Variants in AUTS2 observed in about 807,000 individuals in gnomAD.
AUTS2 encodes the protein activator of transcription and developmental regulator AUTS2.
A neutral mutation model predicts 112.4 loss-of-function variants in AUTS2; 17 were observed. The ratio of observed to expected loss-of-function variants is 0.15; its 90% CI spans 0.10 to 0.23. The LOEUF is 0.23. Among genes scored for constraint, AUTS2 ranks in the 10% least tolerant of loss-of-function variants. The pLI, the probability that AUTS2 is intolerant of heterozygous loss-of-function variation, is 1.00. For missense variants in AUTS2, 1,510 were observed against 1,701.6 expected (o/e 0.89, Z 1.98); for synonymous variants, 751 against 702.7 (o/e 1.07, Z -1.09).
chr7:70,616,600 CTG>C (rs1267037338), intron 5 of AUTS2, among the ~76,000 whole-genome samples: 2 of 152,202 alleles, frequency 1.3e-5, no homozygotes, highest in African/African-American at 4.8e-5. Context: ...GTGCCTGACA[CTG>C]TGCTCTGCAC....
intron 4 of AUTS2, among the ~76,000 whole-genome samples, chr7:70,162,895 GATAA>G (rs2129577665): frequency 6.6e-6 from 1 of 152,196 alleles, no homozygotes; most frequent in South Asian, 2.1e-4. Context: ...TTGATAGAAC[GATAA>G]ATAAATTGGA....
At chr7:69,956,584 A>G (rs1469347126) in intron 2 of AUTS2, among the ~76,000 whole-genome samples, 1 of 152,138 alleles carries the variant, frequency 6.6e-6, no homozygotes, top group East Asian at 1.9e-4. Flanking sequence ...GAGCACGAAA[A>G]AAACGGTTGA....
intron 5 of AUTS2, among the ~76,000 whole-genome samples, chr7:70,563,448 G>T (rs1181579824): frequency 6.6e-6 from 1 of 152,170 alleles, no homozygotes; most frequent in South Asian, 2.1e-4. Flanking sequence ...TCTGATAGAA[G>T]AAATGTTTTT....
intron 1 of AUTS2, among the ~76,000 whole-genome samples, chr7:69,739,736 G>A (rs1787184431): frequency 6.6e-6 from 1 of 152,152 alleles, no homozygotes; most frequent in Non-Finnish European, 1.5e-5. Flanking sequence ...GAAAGAATTG[G>A]CTCTTTGAGG....
At chr7:70,134,409 G>A in intron 3 of AUTS2, 127 bp from the exon 4 acceptor site, 1 of 747,268 alleles carries the variant, frequency 1.3e-6, no homozygotes, top group Non-Finnish European at 2.4e-6. Context: ...ATGACAAGGG[G>A]CAGCATACAC....
intron 6 of AUTS2, among the ~76,000 whole-genome samples, chr7:70,712,193 CTTTTTTTTTTTTTTTTTTT>C (rs67326941): frequency 4.4e-5 from 2 of 45,084 alleles, no homozygotes; most frequent in African/African-American, 9.9e-5. Flanking sequence ...GCCTGGCTCA[CTTTTTTTTTTTTTTTTTTT>C]TTTTTTTTTT....
At chr7:70,488,675 G>A (rs892796544) in intron 5 of AUTS2, among the ~76,000 whole-genome samples, 4 of 152,070 alleles carry the variant, frequency 2.6e-5, no homozygotes, top group South Asian at 2.1e-4. Flanking sequence ...CCTCAGGATC[G>A]TCCTAGCTCT....
chr7:70,348,601 G>A (rs372347894), intron 4 of AUTS2, among the ~76,000 whole-genome samples: 65 of 152,056 alleles, frequency 4.3e-4, no homozygotes, highest in African/African-American at 1.5e-3. Flanking sequence ...TCAGGAGATC[G>A]AGACCATCCT....
At chr7:70,544,083 G>T (rs1800669267) in intron 5 of AUTS2, among the ~76,000 whole-genome samples, 1 of 152,146 alleles carries the variant, frequency 6.6e-6, no homozygotes. Context: ...TATTTAAACG[G>T]TTTCTCCAAA....
intron 1 of AUTS2, among the ~76,000 whole-genome samples, chr7:69,631,478 TA>T (rs1328629298): frequency 6.6e-6 from 1 of 152,220 alleles, no homozygotes; most frequent in African/African-American, 2.4e-5. Context: ...GCATCACATT[TA>T]ATGTTAAAGA....
chr7:70,734,961 A>C (rs1457030773), intron 6 of AUTS2, among the ~76,000 whole-genome samples: 1 of 152,092 alleles, frequency 6.6e-6, no homozygotes, highest in African/African-American at 2.4e-5. Flanking sequence ...AGAGATAATT[A>C]TAAGCTTTCA....
intron 5 of AUTS2, among the ~76,000 whole-genome samples, chr7:70,553,756 CTTTCTT>C (rs1801114500): frequency 3.1e-5 from 3 of 98,128 alleles, no homozygotes; most frequent in Non-Finnish European, 4.1e-5. Flanking sequence ...AGAGGCCTTT[CTTTCTT>C]TTTTTTTTTT....
chr7:70,268,546 G>A (rs1303155288), intron 4 of AUTS2, among the ~76,000 whole-genome samples: 1 of 152,086 alleles, frequency 6.6e-6, no homozygotes, highest in Non-Finnish European at 1.5e-5. Context: ...GGGTTTCTGG[G>A]TTTAGGCTTC....
chr7:69,802,462 T>A (rs1344157086), intron 1 of AUTS2, among the ~76,000 whole-genome samples: 5 of 152,198 alleles, frequency 3.3e-5, no homozygotes, highest in Non-Finnish European at 5.9e-5. Flanking sequence ...GAAGGGCTTT[T>A]CTGTCTACTT....
At chr7:70,678,163 A>G (rs1398748095) in intron 5 of AUTS2, among the ~76,000 whole-genome samples, 1 of 152,088 alleles carries the variant, frequency 6.6e-6, no homozygotes, top group Non-Finnish European at 1.5e-5. Flanking sequence ...CTCCCTCCTA[A>G]ATTATAAGTT....
At chr7:70,496,365 G>C (rs111161439) in intron 5 of AUTS2, among the ~76,000 whole-genome samples, 2 of 88,160 alleles carry the variant, frequency 2.3e-5, no homozygotes, top group African/African-American at 9.3e-5. Flanking sequence ...CATCAGCGTC[G>C]ATCACACACC....
chr7:70,679,724 T>C (rs1171564338), intron 5 of AUTS2, among the ~76,000 whole-genome samples: 4 of 152,226 alleles, frequency 2.6e-5, no homozygotes, highest in African/African-American at 9.6e-5. Context: ...TGGTTCTCAA[T>C]GTGGCCTGCA....
chr7:69,740,274 C>T (rs960495661), intron 1 of AUTS2, among the ~76,000 whole-genome samples: 4 of 152,060 alleles, frequency 2.6e-5, no homozygotes, highest in African/African-American at 4.8e-5. Flanking sequence ...GTGTGACCAG[C>T]GTCATTTAGA....
chr7:70,055,067 C>T lies in AUTS2; in HGVS notation c.523-63065C>T, dbSNP rs531717256. Among the ~76,000 whole-genome samples, 13 of 152,198 alleles carry T rather than the reference C, an allele frequency of 8.5e-5. 1 individual carries two copies. Among genetic ancestry groups the T allele is most frequent in the Admixed American group, 7.2e-4 (11 of 15,288 alleles). ...TCTACTTTAATTCACATAGAAGTAC[C>T]GTGAGACTATGTAAACACATCTACT... On this transcript the variant is annotated intron_variant, in intron 2 of 18. Coordinates refer to ENST00000342771, the MANE Select transcript of AUTS2 (RefSeq NM_015570.4).
Sources: allele counts gnomAD v4.1 joint callset (sites outside exome capture counted in the v4.1 genomes callset), GRCh38; gene constraint gnomAD v4.1.1; transcripts MANE v1.5; gene names NCBI Gene and HGNC (gene_info 2026-07-23, HGNC 2026-07-21).